Variants in MFN1 observed in about 807,000 individuals in gnomAD.
MFN1 encodes the protein mitofusin 1.
A neutral mutation model predicts 92.4 loss-of-function variants in MFN1; 65 were observed. The ratio of observed to expected loss-of-function variants is 0.70; its 90% confidence interval spans 0.58 to 0.86. The LOEUF (loss-of-function observed/expected upper bound fraction) is 0.86. Ranked by LOEUF, MFN1 falls within the 40% of genes least tolerant of loss-of-function variation. MFN1 has a pLI of 0.00. For missense variants in MFN1, 781 were observed against 868.0 expected (o/e 0.90, Z 1.26); for synonymous variants, 297 against 300.9 (o/e 0.99, Z 0.13).
chr3:179,349,510 TTC>T (rs1307790894), intron 2 of MFN1, among the ~76,000 whole-genome samples: 4 of 142,054 alleles, frequency 2.8e-5, no homozygotes, highest in African/African-American at 8.0e-5. Context: ...TAGGGAATAC[TTC>T]TTTTTTTTTT....
chr3:179,377,396 A>C lies in MFN1; in HGVS notation c.1277A>C (p.Glu426Ala). 6.2e-7 allele frequency: 1 copy of C among 1,609,778 alleles called. No individual in the cohort carries two copies. The highest frequency in any genetic ancestry group is 8.5e-7 in the Non-Finnish European group (1 of 1,178,294). ...TGTCGACTGTCTGTTTTGGTTGATGAATTTTGTTCAGAGTTTCATCCTAAT... is the reference window on the plus strand; with the variant it reads ...TGTCGACTGTCTGTTTTGGTTGATGCATTTTGTTCAGAGTTTCATCCTAAT... ...EICRLSVLVD[E>A]FCSEFHPNPD... is the part of the protein sequence containing the mutation. Residue 426 changes from glutamate (E) to alanine (A), a missense_variant, in exon 12 of 18, where the codon GAA becomes GCA. Coordinates refer to ENST00000471841, the MANE Select transcript of MFN1 (RefSeq NM_033540.3).
rs1713361035 is a variant in MFN1, at chr3:179,378,908, A to C, written c.1662+94A>C. 3 of 940,060 alleles carry C rather than the reference A, an allele frequency of 3.2e-6. No homozygotes were observed. The South Asian group carries it at 5.1e-5, about 16-fold the overall frequency. The allele number at this position is 940,060 out of a possible 1,614,324, so 58.2% of individuals were successfully genotyped here. A position where few individuals can be genotyped will look rare whatever the true frequency, so the allele number is the denominator to read the frequency against. On this transcript the variant is annotated intron_variant, in intron 14 of 17. Coordinates refer to ENST00000471841, the MANE Select transcript of MFN1 (RefSeq NM_033540.3). Reference sequence around the variant, plus strand: ...AAAACTAGCTTTACAAAATCTGCACATTTAAAAGCTAGTATCTATCTCTTA... The same window carrying C: ...AAAACTAGCTTTACAAAATCTGCACCTTTAAAAGCTAGTATCTATCTCTTA...
intron 1 of MFN1, 134 bp from the exon 2 acceptor site, chr3:179,348,711 A>C: frequency 7.3e-7 from 1 of 1,360,590 alleles, no homozygotes; most frequent in Non-Finnish European, 9.8e-7. Flanking sequence ...CACTCCCAAA[A>C]AAGAATTACC....
Position 179,364,441 on chromosome 3 carries a change from G to A in MFN1, c.645+36G>A, listed in dbSNP as rs762215879. The A allele has an allele frequency of 9.8e-6, 14 of 1,432,504 alleles. No individual in the cohort carries two copies. In the East Asian group the frequency reaches 1.1e-4, roughly 12 times the overall value. 88.7% of individuals were successfully genotyped at this position (1,432,504 alleles called of 1,614,324 possible). On this transcript the variant is annotated intron_variant, in intron 6 of 17. Coordinates refer to ENST00000471841, the MANE Select transcript of MFN1 (RefSeq NM_033540.3). ...ATCATATTATTGTGTTTCGATGGTA[G>A]GAAATGAAATGGTATCTGTTTTAAT...
In MFN1 at chr3:179,352,004, C is replaced by G; in HGVS notation, c.217C>G (p.Arg73Gly). The change falls in exon 3 of 18, where the codon CGG (arginine) becomes GGG (glycine). Residue 73 changes from arginine (R) to glycine (G), a missense_variant. Physicochemically the swap from Arg to Gly is moderately radical, Grantham distance 125. Coordinates refer to ENST00000471841, the MANE Select transcript of MFN1 (RefSeq NM_033540.3). Reference protein sequence around the residue: ...KLSIIGEVLSRRHMKVAFFGR... With the variant: ...KLSIIGEVLSGRHMKVAFFGR... ...TTCCATCATTGGTGAGGTGCTATCT[C>G]GGAGACACATGAAGGTGGCATTTTT... 1.2e-6 allele frequency: 2 copies of G among 1,601,226 alleles called. No homozygotes were observed. The highest frequency in any genetic ancestry group is 1.7e-6 in the Non-Finnish European group (2 of 1,171,058).
At chr3:179,391,844 G>A (rs1713913049) in intron 17 of MFN1, 137 bp from the exon 18 acceptor site, 3 of 585,416 alleles carry the variant, frequency 5.1e-6, no homozygotes, top group Non-Finnish European at 9.2e-6. Context: ...AGGATATCCC[G>A]TGTAAGGTAT....
In MFN1 at chr3:179,371,206, TAA is replaced by T. The variant is rs550709246; in HGVS notation, c.975+3110_975+3111del. The stretch of plus-strand genomic sequence containing the variant: ...TGAAAATTAAATGGAGTAAAAGCAA[TAA>T]AAAAAATCAATATTAGCCTGGGCAT... On this transcript the variant is annotated intron_variant, in intron 9 of 17. Coordinates refer to ENST00000471841, the MANE Select transcript of MFN1 (RefSeq NM_033540.3). 3.0e-3 allele frequency among the ~76,000 whole-genome samples: 453 copies of T among 152,092 alleles called. 5 individuals carry two copies. The highest frequency in any genetic ancestry group is 0.011 in the African/African-American group (445 of 41,498).
chr3:179,375,693 A>G (rs1221267793), intron 10 of MFN1, among the ~76,000 whole-genome samples: 3 of 152,156 alleles, frequency 2.0e-5, no homozygotes, highest in Admixed American at 6.6e-5. Context: ...TCTGCATTCA[A>G]CCCACGACCC....
intron 16 of MFN1, among the ~76,000 whole-genome samples, chr3:179,389,379 C>T (rs945033102): frequency 3.9e-5 from 6 of 152,076 alleles, no homozygotes; most frequent in Non-Finnish European, 1.5e-5. Context: ...AATAAAAACT[C>T]GACTTGATCC....
chr3:179,389,988 A>T lies in MFN1; in HGVS notation c.2013-16A>T. 6.3e-7 allele frequency: 1 copy of T among 1,589,990 alleles called. No individual in the cohort carries two copies. The highest frequency in any genetic ancestry group is 8.5e-7 in the Non-Finnish European group (1 of 1,173,004). On this transcript the variant is annotated splice_polypyrimidine_tract_variant and intron_variant, in intron 16 of 17. Coordinates refer to ENST00000471841, the MANE Select transcript of MFN1 (RefSeq NM_033540.3). ...TTTGAAGACATTTATGACTGCTTCT[A>T]AATTTTTATTTTAAGACAAATAGCT...
intron 3 of MFN1, among the ~76,000 whole-genome samples, chr3:179,356,049 A>C (rs547543043): frequency 1.3e-5 from 2 of 152,210 alleles, no homozygotes; most frequent in Admixed American, 6.5e-5. Flanking sequence ...CATTCTTGTC[A>C]CAGAGCTTCT....
chr3:179,385,557 T>TC lies in MFN1; in HGVS notation c.1663-12_1663-11insC. The TC allele has an allele frequency of 6.4e-7, 1 of 1,569,936 alleles. No homozygotes were observed. ...AGTGTAATCTTTTTTCCTTTCTCTT[T>TC]TTTTTTGGCAGCTCCCTAGATCTTT... On this transcript the variant is annotated splice_polypyrimidine_tract_variant and intron_variant, in intron 14 of 17. Transcript: ENST00000471841.
intron 4 of MFN1, among the ~76,000 whole-genome samples, chr3:179,361,904 A>C (rs979940479): frequency 6.6e-6 from 1 of 152,232 alleles, no homozygotes; most frequent in Non-Finnish European, 1.5e-5. Context: ...TTGACTTAGG[A>C]TAATGGCCTC....
chr3:179,358,168 T>TTTTTTA (rs1712420925), intron 3 of MFN1, among the ~76,000 whole-genome samples: 3 of 150,180 alleles, frequency 2.0e-5, no homozygotes, highest in African/African-American at 7.4e-5. Flanking sequence ...TTTTTTTTTT[T>TTTTTTA]GAGACTCAGT....
At chr3:179,378,303 G>A (rs759675144) in intron 12 of MFN1, 38 bp from the exon 13 acceptor site, 4 of 1,414,672 alleles carry the variant, frequency 2.8e-6, no homozygotes, top group Admixed American at 4.2e-5. Flanking sequence ...CATACTTTCT[G>A]GAGAAAAAAT....
At chr3:179,383,224 G>C (rs927378387) in intron 14 of MFN1, among the ~76,000 whole-genome samples, 12 of 152,186 alleles carry the variant, frequency 7.9e-5, no homozygotes, top group Admixed American at 5.2e-4. Flanking sequence ...AGTCTTTAAT[G>C]CATCTTGAAT....
chr3:179,377,378 T>C lies in MFN1; in HGVS notation c.1259T>C (p.Leu420Pro). The C allele has an allele frequency of 6.2e-7, 1 of 1,609,402 alleles. No individual in the cohort carries two copies. The highest frequency in any genetic ancestry group is 8.5e-7 in the Non-Finnish European group (1 of 1,178,210). ...SCAMTDEICR[L>P]SVLVDEFCSE... ...GCAATGACAGATGAAATTTGTCGACTGTCTGTTTTGGTTGATGAATTTTGT... is the reference window on the plus strand; with the variant it reads ...GCAATGACAGATGAAATTTGTCGACCGTCTGTTTTGGTTGATGAATTTTGT... The change falls in exon 12 of 18, where the codon CTG becomes CCG. Residue 420 changes from leucine (L) to proline (P), a missense_variant. Leu to Pro is a moderately conservative substitution (Grantham distance 98, BLOSUM62 -3). Coordinates refer to ENST00000471841, the MANE Select transcript of MFN1 (RefSeq NM_033540.3).
At position 179,374,379 on chromosome 3, in the gene MFN1, A is replaced by T. The variant is rs183782836; in HGVS notation, c.976-841A>T. Among the ~76,000 whole-genome samples, 411 of 129,648 alleles carry T rather than the reference A, an allele frequency of 3.2e-3. 1 individual carries two copies. The highest frequency in any genetic ancestry group is 4.2e-3 in the Non-Finnish European group (269 of 64,610). The allele number at this position is 129,648 out of a possible 152,430, so 85.1% of individuals were successfully genotyped here. Reference sequence around the variant, plus strand: ...TAACATATATATGTAATATATATATAACATATATAACATATATATGTAATA... The same window carrying T: ...TAACATATATATGTAATATATATATTACATATATAACATATATATGTAATA... On this transcript the variant is annotated intron_variant, in intron 9 of 17. Transcript: ENST00000471841.
intron 14 of MFN1, among the ~76,000 whole-genome samples, chr3:179,380,499 T>G (rs945235434): frequency 6.6e-6 from 1 of 152,196 alleles, no homozygotes; most frequent in African/African-American, 2.4e-5. Flanking sequence ...CTTTTCTGAT[T>G]GGTTTCACAA....
Sources: gnomAD v4.1 joint callset for allele counts (sites outside exome capture counted in the v4.1 genomes callset) on GRCh38, gnomAD v4.1.1 for gene constraint, MANE v1.5 for transcripts, NCBI Gene and HGNC (gene_info 2026-07-23, HGNC 2026-07-21) for gene names.